Variants in TCFL5 observed in about 807,000 individuals in gnomAD.
The protein encoded by TCFL5 is transcription factor like 5, also known as transcription factor-like 5 protein.
In TCFL5, 9 loss-of-function variants were observed where a neutral mutation model predicts 44.3. The ratio of observed to expected loss-of-function variants is 0.20; its 90% CI spans 0.12 to 0.35. TCFL5 has a LOEUF of 0.35. Among genes scored for constraint, TCFL5 ranks in the 10% least tolerant of loss-of-function variants. The pLI is 1.00. For synonymous variants in TCFL5, 319 were observed against 271.6 expected, an observed-to-expected ratio of 1.17 and a Z score of -1.72; for missense variants, 603 against 613.4, an observed-to-expected ratio of 0.98 and a Z score of 0.18.
intron 4 of TCFL5, among the ~76,000 whole-genome samples, chr20:62,856,252 CAAAAAAAAAAA>C (rs11473595): frequency 1.6e-5 from 1 of 63,836 alleles, no homozygotes; most frequent in African/African-American, 6.1e-5. Context: ...GACTCCGTCT[CAAAAAAAAAAA>C]AAAAAAAGAA....
intron 5 of TCFL5, among the ~76,000 whole-genome samples, chr20:62,853,794 C>G (rs553740580): frequency 6.6e-6 from 1 of 152,306 alleles, no homozygotes; most frequent in African/African-American, 2.4e-5. Flanking sequence ...TGCCTCTTCA[C>G]AGTTATTTAC....
intron 5 of TCFL5, among the ~76,000 whole-genome samples, chr20:62,846,269 C>T (rs1184055679): frequency 6.6e-6 from 1 of 152,204 alleles, no homozygotes; most frequent in South Asian, 2.1e-4. Context: ...AGGCTAGTCC[C>T]GGCGTCTGCC....
In TCFL5 at chr20:62,859,381, A is replaced by G. The variant is rs1484064556; in HGVS notation, c.977T>C (p.Val326Ala). 6.2e-7 allele frequency: 1 copy of G among 1,607,810 alleles called. No individual in the cohort carries two copies. Among genetic ancestry groups the G allele is most frequent in the Non-Finnish European group, 8.5e-7 (1 of 1,175,462 alleles). ...GSRNKVLPEQVWIKVGEAALC... is the reference protein window; with the variant it reads ...GSRNKVLPEQAWIKVGEAALC... ...TCGCTTACCTCCCACTTTAATCCAA[A>G]CTTGCTCAGGCAAAACTTTGTTTCT... The change falls in exon 3 of 6, where the codon GTT (valine) becomes GCT (alanine). Residue 326 changes from valine to alanine, a missense_variant. Val to Ala is a moderately conservative substitution (Grantham distance 64, BLOSUM62 0). This residue lies in a region of TCFL5 where 540 missense variants were observed against 478.7 expected (regional missense o/e 1.13). Transcript: ENST00000335351.
intron 4 of TCFL5, among the ~76,000 whole-genome samples, chr20:62,854,920 C>T (rs949098129): frequency 3.3e-5 from 5 of 152,128 alleles, no homozygotes; most frequent in African/African-American, 1.2e-4. Flanking sequence ...AGACATTGAG[C>T]GAAACACTCT....
chr20:62,861,353 G>A lies in TCFL5; in HGVS notation c.318C>T (p.Tyr106=). 6.5e-6 allele frequency: 7 copies of A among 1,070,728 alleles called. No homozygotes were observed. Among genetic ancestry groups the A allele is most frequent in the Non-Finnish European group, 7.9e-6 (7 of 887,604 alleles). The allele number at this position is 1,070,728 out of a possible 1,614,324, so 66.3% of individuals were successfully genotyped here. Residue 106 remains tyrosine (Y), a synonymous_variant, in exon 1 of 6, where the codon TAC becomes TAT. Coordinates refer to ENST00000335351, the MANE Select transcript of TCFL5 (RefSeq NM_006602.4). The surrounding 1 kb of genome is among the most constrained non-coding windows in gnomAD (Gnocchi z 4.0). ...CCAGCGCGGACGGGCACAGCACGGG[G>A]TACACGGGCGCCGCGCCCCCCTGAC... ...AGGQGGAAPV[Y]PVLCPSALAA...
rs1475793410 is a variant in TCFL5 at position 62,861,226 on chromosome 20, C to G, written c.445G>C (p.Gly149Arg). 2 of 1,156,796 alleles carry G rather than the reference C, an allele frequency of 1.7e-6. No homozygotes were observed. Among genetic ancestry groups the G allele is most frequent in the Non-Finnish European group, 2.2e-6 (2 of 925,980 alleles). The allele number at this position is 1,156,796 out of a possible 1,614,324, so 71.7% of individuals were successfully genotyped here. A position where few individuals can be genotyped will look rare whatever the true frequency, so the allele number is the denominator to read the frequency against. Residue 149 changes from glycine to arginine, a missense_variant, in exon 1 of 6, where the codon GGA becomes CGA. Gly to Arg is a moderately radical substitution (Grantham distance 125). Coordinates refer to ENST00000335351, the MANE Select transcript of TCFL5 (RefSeq NM_006602.4). This position sits in a 1 kb window ranked among gnomAD's most constrained non-coding sequence, Gnocchi z 4.0. The stretch of plus-strand genomic sequence containing the variant: ...GCGCCGTCGGCCCGGGCCCTCGCTC[C>G]GTCCCCGCCGCCCGACGTCTTCTCC... Reference protein sequence around the residue: ...AAEKTSGGGDGARARADGAAK... With the variant: ...AAEKTSGGGDRARARADGAAK...
chr20:62,854,893 G>A (rs2063864137), intron 4 of TCFL5, among the ~76,000 whole-genome samples: 1 of 152,144 alleles, frequency 6.6e-6, no homozygotes, highest in Non-Finnish European at 1.5e-5. Flanking sequence ...GCATTTACTA[G>A]GTGCTTTTGG....
At position 62,861,130 on chromosome 20, in the gene TCFL5, G is replaced by C. The variant is rs1312344099; in HGVS notation, c.541C>G (p.Pro181Ala). 3.0e-6 allele frequency: 3 copies of C among 1,001,036 alleles called. No individual in the cohort carries two copies. The East Asian group carries it at 3.2e-4, about 107-fold the overall frequency. The allele number at this position is 1,001,036 out of a possible 1,614,324, so 62.0% of individuals were successfully genotyped here. Residue 181 changes from proline (P) to alanine (A), a missense_variant, in exon 1 of 6, where the codon CCG becomes GCG. Physicochemically the swap from Pro to Ala is conservative, Grantham distance 27. Around this residue, in one of 4 missense-constraint regions of TCFL5, gnomAD observed 540 missense variants for 478.7 expected, o/e 1.13. Transcript: ENST00000335351. This position sits in a 1 kb window ranked among gnomAD's most constrained non-coding sequence, Gnocchi z 4.0. ...TCCTCCAGGCGGACGCGCACGGCCGGCTTGGCCCGGGCCTCGGGCGCGCCG... is the reference window on the plus strand; with the variant it reads ...TCCTCCAGGCGGACGCGCACGGCCGCCTTGGCCCGGGCCTCGGGCGCGCCG... ...PDGAPEARAK[P>A]AVRVRLEDRF...
At chr20:62,843,204 C>A (rs556189058) in intron 5 of TCFL5, among the ~76,000 whole-genome samples, 3 of 152,298 alleles carry the variant, frequency 2.0e-5, no homozygotes, top group African/African-American at 7.2e-5. Context: ...AACTATCAAC[C>A]AAATGTGATG....
chr20:62,851,202 T>C (rs551909030), intron 5 of TCFL5, among the ~76,000 whole-genome samples: 5 of 152,308 alleles, frequency 3.3e-5, no homozygotes, highest in Admixed American at 6.5e-5. Flanking sequence ...GCTTTTTATG[T>C]TCTAATTCCC....
At chr20:62,855,777 AAAAT>A (rs967601472) in intron 4 of TCFL5, among the ~76,000 whole-genome samples, 3 of 152,136 alleles carry the variant, frequency 2.0e-5, no homozygotes, top group African/African-American at 2.4e-5. Context: ...ACCAAATAAA[AAAAT>A]AAATAAATAA....
rs909477061 is a variant in TCFL5 at position 62,841,234 on chromosome 20, T to C, written c.*741A>G. 6 of 164,394 alleles carry C rather than the reference T, an allele frequency of 3.6e-5. No homozygotes were observed. The highest frequency in any genetic ancestry group is 9.7e-5 in the African/African-American group (4 of 41,288). 10.2% of individuals were successfully genotyped at this position (164,394 alleles called of 1,614,324 possible). A position where few individuals can be genotyped will look rare whatever the true frequency, so the allele number is the denominator to read the frequency against. On this transcript the variant is annotated 3_prime_UTR_variant, in exon 6 of 6. Coordinates refer to ENST00000335351, the MANE Select transcript of TCFL5 (RefSeq NM_006602.4). ...AGTATTTATTGAGGGTGACTTTGTA[T>C]TGCACTAACGTCTATTGCTATTACC...
chr20:62,854,629 C>T (rs1177493887), intron 4 of TCFL5, among the ~76,000 whole-genome samples: 1 of 152,208 alleles, frequency 6.6e-6, no homozygotes, highest in Non-Finnish European at 1.5e-5. Flanking sequence ...CAGCTTTCTC[C>T]AAGGGGCCCT....
intron 5 of TCFL5, among the ~76,000 whole-genome samples, chr20:62,849,445 C>T (rs1245708010): frequency 6.6e-6 from 1 of 152,158 alleles, no homozygotes; most frequent in Non-Finnish European, 1.5e-5. Flanking sequence ...AGCCTCAATG[C>T]CATAGTTAAT....
At position 62,860,015 on chromosome 20, in the gene TCFL5, G is replaced by A. The variant is rs962639745; in HGVS notation, c.831+110C>T. ...TCGGCCTTGGCGCCCGGCTTAAAAG[G>A]TTATTAAGCTCACTGAAGGGAAAAA... On this transcript the variant is annotated intron_variant, in intron 2 of 5. Transcript: ENST00000335351. The A allele has an allele frequency of 8.9e-6, 10 of 1,124,214 alleles. No individual in the cohort carries two copies. In the African/African-American group the frequency reaches 1.6e-4, roughly 18 times the overall value. 69.6% of individuals were successfully genotyped at this position (1,124,214 alleles called of 1,614,324 possible).
intron 5 of TCFL5, among the ~76,000 whole-genome samples, chr20:62,847,137 C>A (rs117538864): frequency 6.6e-6 from 1 of 150,460 alleles, no homozygotes; most frequent in East Asian, 1.9e-4. Context: ...GAGCCAAGAT[C>A]GCGCCATTAC....
rs2063994462 is a variant in TCFL5 at position 62,861,068 on chromosome 20, C to A, written c.603G>T (p.Ala201=). ...FNSIPAEPPP[A]PRGPEPPEPG... ...GCTCGGGGGGCTCGGGGCCGCGCGGCGCGGGCGGCGGCTCGGCGGGGATGC... is the reference window on the plus strand; with the variant it reads ...GCTCGGGGGGCTCGGGGCCGCGCGGAGCGGGCGGCGGCTCGGCGGGGATGC... Residue 201 remains alanine (A), a synonymous_variant, in exon 1 of 6, where the codon GCG becomes GCT. Coordinates refer to ENST00000335351, the MANE Select transcript of TCFL5 (RefSeq NM_006602.4). The surrounding 1 kb of genome is among the most constrained non-coding windows in gnomAD (Gnocchi z 4.0). The A allele has an allele frequency of 6.0e-6, 6 of 995,770 alleles. No homozygotes were observed. In the South Asian group the frequency reaches 1.4e-4, roughly 23 times the overall value. 61.7% of individuals were successfully genotyped at this position (995,770 alleles called of 1,614,324 possible).
At chr20:62,852,936 C>A (rs185452519) in intron 5 of TCFL5, 2 of 1,287,944 alleles carry the variant, frequency 1.6e-6, no homozygotes, top group Non-Finnish European at 2.0e-6. Context: ...TCACCCAGTC[C>A]GCAGAAGTAT....
In TCFL5 at chr20:62,842,789, C is replaced by T. The variant is rs757884844; in HGVS notation, c.1381-692G>A. Among the ~76,000 whole-genome samples the T allele has an allele frequency of 2.0e-5, 3 of 152,112 alleles. No individual in the cohort carries two copies. The highest frequency in any genetic ancestry group is 4.4e-5 in the Non-Finnish European group (3 of 68,020). The stretch of plus-strand genomic sequence containing the variant: ...AAAAAAATAAATTTTTAAAAAGTTT[C>T]AACAATTAACAAGTCAGGGGCATCT... On this transcript the variant is annotated intron_variant, in intron 5 of 5. Transcript: ENST00000335351. The surrounding 1 kb of genome is among the most constrained non-coding windows in gnomAD (Gnocchi z 4.3).
Sources: gnomAD v4.1 joint callset for allele counts (sites outside exome capture counted in the v4.1 genomes callset) on GRCh38, gnomAD v4.1.1 for gene constraint, gnomAD v4.1.1 regional missense constraint, Gnocchi (gnomAD v3.1) non-coding constraint, MANE v1.5 for transcripts, NCBI Gene and HGNC (gene_info 2026-07-23, HGNC 2026-07-21) for gene names.